HACD4: variants seen among roughly 807,000 people sequenced by gnomAD.
HACD4 encodes the protein 3-hydroxyacyl-CoA dehydratase 4, also known as very-long-chain (3R)-3-hydroxyacyl-CoA dehydratase 4.
In HACD4, 35 loss-of-function variants were observed where a neutral mutation model predicts 33.3. The observed-to-expected ratio is 1.05, with a 90% CI of 0.80 to 1.39. HACD4 has a LOEUF of 1.39. Ranked by LOEUF, HACD4 falls within the 40% of genes most tolerant of loss-of-function variation. HACD4 has a pLI of 0.00. For synonymous variants in HACD4, 118 were observed against 98.0 expected, an observed-to-expected ratio of 1.20 and a Z score of -1.21; for missense variants, 323 against 276.5, an observed-to-expected ratio of 1.17 and a Z score of -1.19.
chr9:21,013,157 C>T (rs1842478168), intron 4 of HACD4, among the ~76,000 whole-genome samples: 1 of 151,846 alleles, frequency 6.6e-6, no homozygotes, highest in African/African-American at 2.4e-5. Context: ...CAGCCAAATC[C>T]AGTCATCAAG....
At chr9:21,029,615 G>A (rs1818155246) in intron 1 of HACD4, among the ~76,000 whole-genome samples, 2 of 152,176 alleles carry the variant, frequency 1.3e-5, no homozygotes, top group Admixed American at 1.3e-4. Context: ...CTTCACTTAT[G>A]ATGAAGTTAC....
chr9:21,031,587 CCATGGGCCGCCGCCGCCAGG>C lies in HACD4; in HGVS notation c.-17_3del. 1 of 1,437,028 alleles carries C rather than the reference CCATGGGCCGCCGCCGCCAGG, an allele frequency of 7.0e-7. No individual in the cohort carries two copies. The highest frequency in any genetic ancestry group is 9.1e-7 in the Non-Finnish European group (1 of 1,100,728). The allele number at this position is 1,437,028 out of a possible 1,614,324, so 89.0% of individuals were successfully genotyped here. Reference sequence around the variant, plus strand: ...AGCCAGGCGGGCAGCGCCAAGGGCCCCATGGGCCGCCGCCGCCAGGGCTTCCAGCGCGGTCCAGGAAGGAG... The same window carrying C: ...AGCCAGGCGGGCAGCGCCAAGGGCCCGCTTCCAGCGCGGTCCAGGAAGGAG... On this transcript the variant is annotated start_lost and 5_prime_UTR_variant, in exon 1 of 7. Coordinates refer to ENST00000495827, the MANE Select transcript of HACD4 (RefSeq NM_001010915.5).
chr9:21,006,393 T>C lies in HACD4; in HGVS notation c.*644A>G, dbSNP rs2132764401. ...GAAACTGCATTAGCTGATGCCTTGATCCTGAGCGGAATTCCCAGCCTCCAG... is the reference window on the plus strand; with the variant it reads ...GAAACTGCATTAGCTGATGCCTTGACCCTGAGCGGAATTCCCAGCCTCCAG... On this transcript the variant is annotated 3_prime_UTR_variant, in exon 7 of 7. Transcript: ENST00000495827. The surrounding 1 kb of genome is among the most constrained non-coding windows in gnomAD (Gnocchi z 4.6). 1 of 153,156 alleles carries C rather than the reference T, an allele frequency of 6.5e-6. No individual in the cohort carries two copies. Among genetic ancestry groups the C allele is most frequent in the Middle Eastern group, 3.4e-3 (1 of 298 alleles). 9.5% of individuals were successfully genotyped at this position (153,156 alleles called of 1,614,324 possible).
chr9:21,028,539 G>A (rs540271955), intron 2 of HACD4, among the ~76,000 whole-genome samples: 2 of 152,190 alleles, frequency 1.3e-5, no homozygotes, highest in African/African-American at 2.4e-5. Flanking sequence ...TGATACACAC[G>A]TCTGAAATGA....
Position 21,003,846 on chromosome 9 carries a change from A to G in HACD4, c.*3191T>C, listed in dbSNP as rs1216230204. 6.6e-6 allele frequency: 1 copy of G among 152,212 alleles called. No homozygotes were observed. The highest frequency in any genetic ancestry group is 1.5e-5 in the Non-Finnish European group (1 of 68,036). The allele number at this position is 152,212 out of a possible 1,614,324, so 9.4% of individuals were successfully genotyped here. A position where few individuals can be genotyped will look rare whatever the true frequency, so the allele number is the denominator to read the frequency against. ...GACTTACATTACAGTAATTAGCAAC[A>G]ATTCAGTAATAATCCAAAACATGAA... is the stretch of plus-strand genomic sequence containing the variant. On this transcript the variant is annotated 3_prime_UTR_variant, in exon 7 of 7. Coordinates refer to ENST00000495827, the MANE Select transcript of HACD4 (RefSeq NM_001010915.5).
At chr9:21,011,404 A>C (rs555770470) in intron 5 of HACD4, among the ~76,000 whole-genome samples, 185 bp downstream of exon 5, 1 of 152,324 alleles carries the variant, frequency 6.6e-6, no homozygotes, top group African/African-American at 2.4e-5. Context: ...TATTTTGTCT[A>C]CTGTGCAGAG....
rs762775717 is a variant in HACD4, at chr9:21,005,080, T to C, written c.*1957A>G. The C allele has an allele frequency of 6.6e-6, 1 of 152,176 alleles. No individual in the cohort carries two copies. The highest frequency in any genetic ancestry group is 2.4e-5 in the African/African-American group (1 of 41,450). 9.4% of individuals were successfully genotyped at this position (152,176 alleles called of 1,614,324 possible). A position where few individuals can be genotyped will look rare whatever the true frequency, so the allele number is the denominator to read the frequency against. ...TCAAATGAAAATGAGGAACCTGTTA[T>C]GGGAAACTGGAAGAAAGGTGATCTT... On this transcript the variant is annotated 3_prime_UTR_variant, in exon 7 of 7. Transcript: ENST00000495827. The surrounding 1 kb of genome is among the most constrained non-coding windows in gnomAD (Gnocchi z 4.0).
At chr9:21,025,085 G>C (rs996323438) in intron 3 of HACD4, among the ~76,000 whole-genome samples, 8 of 152,050 alleles carry the variant, frequency 5.3e-5, no homozygotes, top group Non-Finnish European at 1.0e-4. Context: ...ATTTTGTAAG[G>C]AACTATACTA....
intron 1 of HACD4, among the ~76,000 whole-genome samples, chr9:21,029,812 C>T (rs117999932): frequency 9.2e-5 from 14 of 152,234 alleles, no homozygotes; most frequent in Non-Finnish European, 1.5e-4. Context: ...TGTGGAGTAC[C>T]GGTTGTTTAC....
intron 3 of HACD4, 31 bp from the exon 4 acceptor site, chr9:21,016,041 G>T: frequency 6.9e-7 from 1 of 1,457,574 alleles, no homozygotes; most frequent in Admixed American, 1.7e-5. Context: ...TCAGAAATTA[G>T]GACATCTATT....
chr9:21,029,241 A>C, intron 2 of HACD4, 54 bp downstream of exon 2: 2 of 944,884 alleles, frequency 2.1e-6, no homozygotes, highest in South Asian at 2.8e-5. Context: ...AAGCAGGATG[A>C]GGTGAAAACA....
chr9:21,008,615 C>T (rs1280161157), intron 5 of HACD4, among the ~76,000 whole-genome samples: 1 of 152,092 alleles, frequency 6.6e-6, no homozygotes, highest in African/African-American at 2.4e-5. Context: ...AGAATATCTC[C>T]TTCTTCCTTC....
chr9:21,014,727 C>T (rs1231203506), intron 4 of HACD4, among the ~76,000 whole-genome samples: 4 of 152,078 alleles, frequency 2.6e-5, no homozygotes, highest in Non-Finnish European at 5.9e-5. Flanking sequence ...CTTAATAAAA[C>T]TGTTATTAAA....
chr9:21,030,291 G>A (rs557194959), intron 1 of HACD4, among the ~76,000 whole-genome samples: 44 of 144,542 alleles, frequency 3.0e-4, no homozygotes, highest in Non-Finnish European at 6.0e-4. Context: ...AAAAAAAGCC[G>A]GATGTGGTAA....
intron 6 of HACD4, among the ~76,000 whole-genome samples, chr9:21,007,424 A>C (rs958085769): frequency 4.6e-5 from 7 of 152,062 alleles, no homozygotes; most frequent in African/African-American, 1.7e-4. Context: ...CATATGTTTG[A>C]TATCTGTTAC....
chr9:21,029,507 G>A, intron 1 of HACD4, 109 bp from the exon 2 acceptor site: 1 of 609,174 alleles, frequency 1.6e-6, no homozygotes, highest in Non-Finnish European at 2.8e-6. Context: ...AAAGAAAACT[G>A]TTTCATATCA....
chr9:21,002,689 A>C lies in HACD4; in HGVS notation c.*4348T>G, dbSNP rs1490606090. Reference sequence around the variant, plus strand: ...TTACTACTACTGAACTGCACACTTAAAAAGGAATAAGATAGTATATTTTAC... The same window carrying C: ...TTACTACTACTGAACTGCACACTTACAAAGGAATAAGATAGTATATTTTAC... On this transcript the variant is annotated 3_prime_UTR_variant, in exon 7 of 7. Transcript: ENST00000495827. 1 of 152,160 alleles carries C rather than the reference A, an allele frequency of 6.6e-6. No individual in the cohort carries two copies. Among genetic ancestry groups the C allele is most frequent in the Non-Finnish European group, 1.5e-5 (1 of 67,986 alleles). 9.4% of individuals were successfully genotyped at this position (152,160 alleles called of 1,614,324 possible). A position where few individuals can be genotyped will look rare whatever the true frequency, so the allele number is the denominator to read the frequency against.
chr9:21,003,595 T>C lies in HACD4; in HGVS notation c.*3442A>G, dbSNP rs548703035. 13 of 152,280 alleles carry C rather than the reference T, an allele frequency of 8.5e-5. 1 individual carries two copies. The East Asian group carries it at 2.3e-3, about 27-fold the overall frequency. 9.4% of individuals were successfully genotyped at this position (152,280 alleles called of 1,614,324 possible). ...TACTCAATTGTTTCTTTCCAAATGTTTTCTTTAGTGGAAATAAGTTACCCA... is the reference window on the plus strand; with the variant it reads ...TACTCAATTGTTTCTTTCCAAATGTCTTCTTTAGTGGAAATAAGTTACCCA... On this transcript the variant is annotated 3_prime_UTR_variant, in exon 7 of 7. Coordinates refer to ENST00000495827, the MANE Select transcript of HACD4 (RefSeq NM_001010915.5).
At chr9:21,030,974 G>A (rs1818199176) in intron 1 of HACD4, among the ~76,000 whole-genome samples, 2 of 152,184 alleles carry the variant, frequency 1.3e-5, no homozygotes, top group African/African-American at 4.8e-5. Flanking sequence ...TAGAAACAAG[G>A]AAAATAAGCT....
Sources: allele counts gnomAD v4.1 joint callset (sites outside exome capture counted in the v4.1 genomes callset), GRCh38; gene constraint gnomAD v4.1.1; non-coding constraint Gnocchi (gnomAD v3.1); transcripts MANE v1.5; gene names NCBI Gene and HGNC (gene_info 2026-07-23, HGNC 2026-07-21).